NME2: variants seen among roughly 807,000 people sequenced by gnomAD.
The protein encoded by NME2 is NME/NM23 nucleoside diphosphate kinase 2.
A neutral mutation model predicts 17.8 loss-of-function variants in NME2; 18 were observed. The observed-to-expected ratio is 1.01, with a 90% CI of 0.70 to 1.50. The LOEUF (loss-of-function observed/expected upper bound fraction) is 1.50, where lower values mean the gene tolerates loss of function less well. Among genes scored for constraint, NME2 ranks in the 40% most tolerant of loss-of-function variants. The pLI is 0.00. For synonymous variants in NME2, 74 were observed against 71.4 expected (o/e 1.04, Z -0.19); for missense variants, 161 against 195.6 (o/e 0.82, Z 1.05).
At chr17:51,169,734 C>A in intron 3 of NME2, 1 of 507,608 alleles carries the variant, frequency 2.0e-6, no homozygotes, top group Admixed American at 4.1e-5. Context: ...GGGAAGTCCC[C>A]AAGTTGGACA....
intron 4 of NME2, among the ~76,000 whole-genome samples, chr17:51,170,400 A>G (rs2050046827): frequency 6.6e-6 from 1 of 151,808 alleles, no homozygotes; most frequent in African/African-American, 2.4e-5. Flanking sequence ...TCGGCCCCCC[A>G]AGGTGCTGGG....
rs1411239931 is a variant in NME2, at chr17:51,170,093, A to T, written c.341+44A>T. 4.1e-6 allele frequency: 6 copies of T among 1,453,376 alleles called. No homozygotes were observed. The East Asian group carries it at 1.4e-4, about 35-fold the overall frequency. The allele number at this position is 1,453,376 out of a possible 1,614,324, so 90.0% of individuals were successfully genotyped here. A position where few individuals can be genotyped will look rare whatever the true frequency, so the allele number is the denominator to read the frequency against. Reference sequence around the variant, plus strand: ...GGGTGGATGACTTTTATGCAACACCATTTAAAGCAGACGTCATGGCGTATC... The same window carrying T: ...GGGTGGATGACTTTTATGCAACACCTTTTAAAGCAGACGTCATGGCGTATC... On this transcript the variant is annotated intron_variant, in intron 4 of 4. Transcript: ENST00000512737.
At chr17:51,169,880 G>A in intron 3 of NME2, 57 bp from the exon 4 acceptor site, 1 of 1,511,624 alleles carries the variant, frequency 6.6e-7, no homozygotes, top group Non-Finnish European at 9.2e-7. Flanking sequence ...GTAAATGTTA[G>A]ACCCTACCTG....
In NME2 at chr17:51,166,920, G is replaced by A. The variant is rs2049953806; in HGVS notation, c.90G>A (p.Gln30=). The change falls in exon 2 of 5, where the codon CAG becomes CAA. Residue 30 remains glutamine, a synonymous_variant. Transcript: ENST00000512737. ...LVGEIIKRFE[Q]KGFRLVAMKF... ...GCGAGATCATCAAGCGCTTCGAGCA[G>A]AAGGGATTCCGCCTCGTGGCCATGA... The A allele has an allele frequency of 3.7e-6, 6 of 1,613,848 alleles. No individual in the cohort carries two copies. Among genetic ancestry groups the A allele is most frequent in the Non-Finnish European group, 5.1e-6 (6 of 1,179,886 alleles).
chr17:51,167,195 T>G, intron 2 of NME2: 11 of 857,774 alleles, frequency 1.3e-5, no homozygotes, highest in East Asian at 4.1e-5. Context: ...TTTGGGTTCC[T>G]TCCCGCGGGC....
At position 51,171,673 on chromosome 17, in the gene NME2, T is replaced by C. The variant is rs1022486067; in HGVS notation, c.*69T>C. On this transcript the variant is annotated 3_prime_UTR_variant, in exon 5 of 5. Transcript: ENST00000512737. Reference sequence around the variant, plus strand: ...TCCCTGGACACAGCTCTTCATTCCATTGACTTAGAGGCAACAGGATTGATC... The same window carrying C: ...TCCCTGGACACAGCTCTTCATTCCACTGACTTAGAGGCAACAGGATTGATC... The C allele has an allele frequency of 5.0e-6, 6 of 1,203,840 alleles. No individual in the cohort carries two copies. The highest frequency in any genetic ancestry group is 2.3e-5 in the East Asian group (1 of 42,640). The allele number at this position is 1,203,840 out of a possible 1,614,324, so 74.6% of individuals were successfully genotyped here.
chr17:51,167,265 A>G, intron 2 of NME2: 1 of 412,076 alleles, frequency 2.4e-6, no homozygotes, highest in African/African-American at 2.1e-5. Flanking sequence ...CGGGCCCCAG[A>G]CCCCCTGCGC....
chr17:51,166,083 C>G (rs552691303), upstream of NME2, among the ~76,000 whole-genome samples: 2 of 150,686 alleles, frequency 1.3e-5, no homozygotes, highest in South Asian at 2.1e-4. Flanking sequence ...TGGCCTTGAC[C>G]GGGGTAGAGA....
At chr17:51,167,228 G>T in intron 2 of NME2, 4 of 584,676 alleles carry the variant, frequency 6.8e-6, no homozygotes, top group Non-Finnish European at 8.0e-6. Flanking sequence ...ACCCGCCGCA[G>T]GGGGGCAGCA....
intron 1 of NME2, 64 bp from the exon 2 acceptor site, chr17:51,166,763 C>A (rs911147655): frequency 2.0e-6 from 3 of 1,478,318 alleles, no homozygotes; most frequent in Non-Finnish European, 2.7e-6. Context: ...GCGGCGCCCA[C>A]GTGGCCTCCG....
rs765913945 is a variant in NME2 at position 51,166,845 on chromosome 17, G to A, written c.15G>A (p.Glu5=). ...CCCGCAGGACCATGGCCAACCTGGA[G>A]CGCACCTTCATCGCCATCAAGCCGG... is the stretch of plus-strand genomic sequence containing the variant. MANL[E]RTFIAIKPDG... The change falls in exon 2 of 5, where the codon GAG becomes GAA. Residue 5 remains glutamate (E), a synonymous_variant. Coordinates refer to ENST00000512737, the MANE Select transcript of NME2 (RefSeq NM_002512.4). The A allele has an allele frequency of 6.2e-7, 1 of 1,613,326 alleles. No individual in the cohort carries two copies. The highest frequency in any genetic ancestry group is 8.5e-7 in the Non-Finnish European group (1 of 1,179,660).
chr17:51,167,233 G>C (rs980286454), intron 2 of NME2: 1 of 555,344 alleles, frequency 1.8e-6, no homozygotes, highest in African/African-American at 2.0e-5. Flanking sequence ...CCGCAGGGGG[G>C]CAGCAGGGAG....
intron 4 of NME2, among the ~76,000 whole-genome samples, chr17:51,170,767 A>G (rs2050053994): frequency 6.7e-6 from 1 of 150,156 alleles, no homozygotes; most frequent in African/African-American, 2.5e-5. Context: ...AGCCTGGGCA[A>G]CAAGAACAAA....
rs1315674499 is a variant in NME2, at chr17:51,171,741, C to T, written c.*137C>T. 13 of 625,826 alleles carry T rather than the reference C, an allele frequency of 2.1e-5. No homozygotes were observed. The highest frequency in any genetic ancestry group is 2.5e-5 in the Non-Finnish European group (9 of 358,098). The allele number at this position is 625,826 out of a possible 1,614,324, so 38.8% of individuals were successfully genotyped here. On this transcript the variant is annotated 3_prime_UTR_variant, in exon 5 of 5. Coordinates refer to ENST00000512737, the MANE Select transcript of NME2 (RefSeq NM_002512.4). ...ATTTGCCAATAAAGCTTTTGGAAGC[C>T]GGACACTGTCTCCTTGTGCTTATTT...
At chr17:51,166,681 C>A in intron 1 of NME2, 146 bp from the exon 2 acceptor site, 2 of 782,514 alleles carry the variant, frequency 2.6e-6, no homozygotes, top group Non-Finnish European at 3.4e-6. Flanking sequence ...GGGACGCCGG[C>A]CCTGCGCGGG....
rs758640864 is a variant in NME2, at chr17:51,166,987, G to A, written c.126+31G>A. On this transcript the variant is annotated intron_variant, in intron 2 of 4. Coordinates refer to ENST00000512737, the MANE Select transcript of NME2 (RefSeq NM_002512.4). Reference sequence around the variant, plus strand: ...TCGCCCCCGTCTCCCCTTCCCCGCTGCAGCCGGCTCGCGGGTGTTTTTCCC... The same window carrying A: ...TCGCCCCCGTCTCCCCTTCCCCGCTACAGCCGGCTCGCGGGTGTTTTTCCC... 8 of 1,609,830 alleles carry A rather than the reference G, an allele frequency of 5.0e-6. No individual in the cohort carries two copies. The East Asian group carries it at 1.4e-4, about 27-fold the overall frequency.
rs770938793 is a variant in NME2 at position 51,169,918 on chromosome 17, C to T, written c.229-19C>T. 50 of 1,612,402 alleles carry T rather than the reference C, an allele frequency of 3.1e-5. No homozygotes were observed. The highest frequency in any genetic ancestry group is 3.8e-5 in the Non-Finnish European group (45 of 1,179,070). On this transcript the variant is annotated intron_variant, in intron 3 of 4. Transcript: ENST00000512737. Reference sequence around the variant, plus strand: ...CTGAGTGGCAGGTCTGATTATAAATCCATTTTCACACTTTCGAGGTCTGGG... The same window carrying T: ...CTGAGTGGCAGGTCTGATTATAAATTCATTTTCACACTTTCGAGGTCTGGG...
At chr17:51,171,365 T>C (rs1022983430) in intron 4 of NME2, 122 bp from the exon 5 acceptor site, 2 of 691,964 alleles carry the variant, frequency 2.9e-6, no homozygotes, top group Non-Finnish European at 5.1e-6. Flanking sequence ...GGGGTATAAA[T>C]TGGTCTGTTG....
intron 4 of NME2, among the ~76,000 whole-genome samples, 186 bp from the exon 5 acceptor site, chr17:51,171,301 T>C (rs1003695752): frequency 1.3e-5 from 2 of 152,182 alleles, no homozygotes; most frequent in African/African-American, 4.8e-5. Flanking sequence ...CAAGGAATGT[T>C]TTAAATCAAG....
Sources: gnomAD v4.1 joint callset for allele counts (sites outside exome capture counted in the v4.1 genomes callset) on GRCh38, gnomAD v4.1.1 for gene constraint, MANE v1.5 for transcripts, NCBI Gene and HGNC (gene_info 2026-07-23, HGNC 2026-07-21) for gene names.